The following ACADSB variants were observed in gnomAD, a reference collection of about 807,000 sequenced individuals.
The protein encoded by ACADSB is short/branched chain specific acyl-CoA dehydrogenase, mitochondrial.
A neutral mutation model predicts 54.1 loss-of-function variants in ACADSB; 40 were observed. The observed-to-expected ratio is 0.74, with a 90% CI of 0.57 to 0.96. The LOEUF (loss-of-function observed/expected upper bound fraction) is 0.96. Ranked by LOEUF, ACADSB falls within the 40% of genes least tolerant of loss-of-function variation. The pLI is 0.00. For missense variants in ACADSB, 530 were observed against 510.4 expected, an observed-to-expected ratio of 1.04 and a Z score of -0.37; for synonymous variants, 182 against 182.8, an observed-to-expected ratio of 1.00 and a Z score of 0.03.
intron 1 of ACADSB, among the ~76,000 whole-genome samples, chr10:123,017,393 C>G (rs1297933668): frequency 1.3e-5 from 2 of 152,218 alleles, no homozygotes; most frequent in Non-Finnish European, 1.5e-5. Context: ...TCTCAGCTCA[C>G]TGCAACCTCC....
At position 123,041,306 on chromosome 10, in the gene ACADSB, G is replaced by A. The variant is rs768673870; in HGVS notation, c.608G>A (p.Gly203Glu). ...DKEGDYYVLN[G>E]SKMWISSAEH... ...GAGGGAGATTATTATGTCCTCAATG[G>A]ATCAAAGATGTGGATCAGCAGTGCT... The change falls in exon 5 of 11, where the codon GGA becomes GAA. Residue 203 changes from glycine to glutamate, a missense_variant. Coordinates refer to ENST00000358776, the MANE Select transcript of ACADSB (RefSeq NM_001609.4). 3.1e-6 allele frequency: 5 copies of A among 1,614,194 alleles called. No homozygotes were observed. Among genetic ancestry groups the A allele is most frequent in the Non-Finnish European group, 4.2e-6 (5 of 1,180,010 alleles).
In ACADSB at chr10:123,043,114, AAAC is replaced by A; in HGVS notation, c.753_755del (p.Asn251del). ...CGGGCCTTCATATAGGGAAACCTGA[AAAC>A]AAATTGGGGCTCAGAGCTTCTTCCA... is the stretch of plus-strand genomic sequence containing the variant. On this transcript the variant is annotated inframe_deletion, in exon 6 of 11. Transcript: ENST00000358776. 6.2e-7 allele frequency: 1 copy of A among 1,614,044 alleles called. No individual in the cohort carries two copies. The highest frequency in any genetic ancestry group is 8.5e-7 in the Non-Finnish European group (1 of 1,179,944).
At chr10:123,023,598 G>C (rs896178565) in intron 1 of ACADSB, among the ~76,000 whole-genome samples, 2 of 152,084 alleles carry the variant, frequency 1.3e-5, no homozygotes, top group African/African-American at 2.4e-5. Context: ...TCCAATGAAG[G>C]CTGTGAACCA....
chr10:123,046,172 G>C (rs1385059771), intron 7 of ACADSB, among the ~76,000 whole-genome samples: 2 of 152,062 alleles, frequency 1.3e-5, no homozygotes, highest in Non-Finnish European at 2.9e-5. Context: ...TTGAATTTGG[G>C]GTTTGTGGTT....
rs753042061 is a variant in ACADSB at position 123,034,385 on chromosome 10, T to C, written c.72T>C (p.Ser24=). The change falls in exon 2 of 11, where the codon TCT becomes TCC. Residue 24 remains serine (S), a synonymous_variant. Coordinates refer to ENST00000358776, the MANE Select transcript of ACADSB (RefSeq NM_001609.4). ...GAAGAAATTTCCTGACTTGTTTGTC[T>C]TCTTGGAAGATTCCTCCTCATGTCT... The part of the protein sequence containing the change: ...LLRRNFLTCL[S]SWKIPPHVSK... The C allele has an allele frequency of 6.2e-7, 1 of 1,613,784 alleles. No homozygotes were observed. Among genetic ancestry groups the C allele is most frequent in the Non-Finnish European group, 8.5e-7 (1 of 1,180,002 alleles).
chr10:123,035,097 G>A (rs1415824541), intron 2 of ACADSB, among the ~76,000 whole-genome samples: 4 of 152,012 alleles, frequency 2.6e-5, no homozygotes, highest in Non-Finnish European at 5.9e-5. Flanking sequence ...CTACAGGCAC[G>A]TGCCACCACG....
rs1341020424 is a variant in ACADSB at position 123,040,678 on chromosome 10, T to G, written c.510+6T>G. 2.5e-6 allele frequency: 4 copies of G among 1,603,734 alleles called. No individual in the cohort carries two copies. In the African/African-American group the frequency reaches 5.4e-5, roughly 22 times the overall value. On this transcript the variant is annotated splice_donor_region_variant and intron_variant, in intron 4 of 10. Transcript: ENST00000358776. ...CTCAGCTCACTACAGAAAAAGTGAG[T>G]TGAGATGAATTGTTGATCTAATGGA...
At chr10:123,049,785 T>C (rs776194743) in intron 8 of ACADSB, among the ~76,000 whole-genome samples, 2 of 152,224 alleles carry the variant, frequency 1.3e-5, no homozygotes, top group Non-Finnish European at 2.9e-5. Context: ...AAAGACGTGA[T>C]CTTAAAAGCA....
chr10:123,047,514 T>C (rs993786893), intron 8 of ACADSB, among the ~76,000 whole-genome samples: 2 of 152,084 alleles, frequency 1.3e-5, no homozygotes, highest in Non-Finnish European at 2.9e-5. Context: ...TATGGCATGA[T>C]TCAGGATATC....
At chr10:123,046,597 A>G (rs1394727005) in intron 7 of ACADSB, among the ~76,000 whole-genome samples, 2 of 152,216 alleles carry the variant, frequency 1.3e-5, no homozygotes, top group East Asian at 1.9e-4. Context: ...TCTACTCCCA[A>G]GATTTGGATT....
intron 1 of ACADSB, among the ~76,000 whole-genome samples, chr10:123,010,111 ATAACT>A (rs1849998253): frequency 6.6e-6 from 1 of 152,260 alleles, no homozygotes; most frequent in African/African-American, 2.4e-5. Flanking sequence ...TTGTTGGTTA[ATAACT>A]TAGCAAAGAA....
At chr10:123,013,688 G>A (rs995109846) in intron 1 of ACADSB, among the ~76,000 whole-genome samples, 4 of 152,232 alleles carry the variant, frequency 2.6e-5, no homozygotes, top group Admixed American at 6.5e-5. Context: ...AATCGAGCGC[G>A]GCGCCGGTGG....
At chr10:123,025,343 A>G (rs546549988) in intron 1 of ACADSB, among the ~76,000 whole-genome samples, 1 of 152,158 alleles carries the variant, frequency 6.6e-6, no homozygotes, top group Admixed American at 6.5e-5. Flanking sequence ...GTGCACGTAT[A>G]GTCCCAGCTA....
At chr10:123,028,902 CTTAA>C (rs1435976235) in intron 1 of ACADSB, among the ~76,000 whole-genome samples, 20 of 151,878 alleles carry the variant, frequency 1.3e-4, no homozygotes, top group Non-Finnish European at 2.8e-4. Flanking sequence ...TGTAAAGTTT[CTTAA>C]TTAAAGTTTT....
In ACADSB at chr10:123,056,427, C is replaced by T. The variant is rs1345470403; in HGVS notation, c.*2662C>T. The T allele has an allele frequency of 6.3e-6, 1 of 159,362 alleles. No homozygotes were observed. Among genetic ancestry groups the T allele is most frequent in the Non-Finnish European group, 1.4e-5 (1 of 73,152 alleles). 9.9% of individuals were successfully genotyped at this position (159,362 alleles called of 1,614,324 possible). A position where few individuals can be genotyped will look rare whatever the true frequency, so the allele number is the denominator to read the frequency against. On this transcript the variant is annotated 3_prime_UTR_variant, in exon 11 of 11. Transcript: ENST00000358776. Reference sequence around the variant, plus strand: ...AGAATAGCACAGGAAAGACTGGCCCCCCTGATTCGATGACCTCCCCCTGGG... The same window carrying T: ...AGAATAGCACAGGAAAGACTGGCCCTCCTGATTCGATGACCTCCCCCTGGG...
intron 1 of ACADSB, 111 bp from the exon 2 acceptor site, chr10:123,034,245 G>T: frequency 2.6e-6 from 3 of 1,171,288 alleles, no homozygotes; most frequent in South Asian, 1.3e-5. Context: ...AAATGCGCTA[G>T]GTTAAGTTTC....
At chr10:123,022,155 A>G (rs987818044) in intron 1 of ACADSB, among the ~76,000 whole-genome samples, 4 of 152,224 alleles carry the variant, frequency 2.6e-5, no homozygotes, top group Admixed American at 2.0e-4. Context: ...ATCTCCTATT[A>G]CCCAACTCTA....
chr10:123,022,733 TTAATG>T (rs1202530558), intron 1 of ACADSB, among the ~76,000 whole-genome samples: 1 of 152,060 alleles, frequency 6.6e-6, no homozygotes, highest in Non-Finnish European at 1.5e-5. Flanking sequence ...ACCTAAAACT[TTAATG>T]AAACCATAAA....
At chr10:123,019,101 C>T (rs1414519671) in intron 1 of ACADSB, among the ~76,000 whole-genome samples, 1 of 152,156 alleles carries the variant, frequency 6.6e-6, no homozygotes, top group Admixed American at 6.5e-5. Flanking sequence ...TTTTAAAGCC[C>T]ATAAAGTAGT....
Sources: gnomAD v4.1 joint callset for allele counts (sites outside exome capture counted in the v4.1 genomes callset) on GRCh38, gnomAD v4.1.1 for gene constraint, MANE v1.5 for transcripts, NCBI Gene and HGNC (gene_info 2026-07-23, HGNC 2026-07-21) for gene names.